Variants in RHEX observed in about 807,000 individuals in gnomAD.
RHEX encodes the protein regulator of hemoglobinization and erythroid cell expansion protein.
A neutral mutation model predicts 20.1 loss-of-function variants in RHEX; 18 were observed. That is an observed-to-expected ratio of 0.90 (90% CI 0.62 to 1.33). The LOEUF is 1.33. Ranked by LOEUF, RHEX falls within the 40% of genes most tolerant of loss-of-function variation. The pLI, the probability that RHEX is intolerant of heterozygous loss-of-function variation, is 0.00. For missense variants in RHEX, 192 were observed against 214.3 expected (o/e 0.90, Z 0.65); for synonymous variants, 87 against 77.1 (o/e 1.13, Z -0.67).
intron 1 of RHEX, 166 bp from the exon 2 acceptor site, chr1:206,097,567 T>C: frequency 1.8e-6 from 1 of 557,312 alleles, no homozygotes; most frequent in South Asian, 2.1e-5. Context: ...ATCAAGGTTC[T>C]TTAGGAGAAG....
At chr1:206,060,932 G>A (rs1553283269) in intron 1 of RHEX, 1 of 152,130 alleles carries the variant, frequency 6.6e-6, no homozygotes. Context: ...TTGTCGGGGA[G>A]GGGAGCGGGT....
At chr1:206,062,637 TA>T (rs1221543842) in intron 1 of RHEX, among the ~76,000 whole-genome samples, 18 of 151,358 alleles carry the variant, frequency 1.2e-4, no homozygotes, top group East Asian at 5.8e-4. Flanking sequence ...GGAGGAGGCA[TA>T]GGGGGGCTGC....
At chr1:206,084,055 G>C (rs781974624) in intron 1 of RHEX, among the ~76,000 whole-genome samples, 2 of 152,146 alleles carry the variant, frequency 1.3e-5, no homozygotes, top group African/African-American at 2.4e-5. Context: ...GCCAGTACAG[G>C]CTCCACCAAT....
chr1:206,091,993 G>C (rs575687850), intron 1 of RHEX, among the ~76,000 whole-genome samples: 5 of 152,194 alleles, frequency 3.3e-5, no homozygotes, highest in Non-Finnish European at 7.4e-5. Context: ...TATTGAGGAG[G>C]TAAGTCTGAT....
At chr1:206,092,913 C>T (rs2102326436) in intron 1 of RHEX, among the ~76,000 whole-genome samples, 1 of 152,284 alleles carries the variant, frequency 6.6e-6, no homozygotes, top group South Asian at 2.1e-4. Flanking sequence ...TCCAGCTTTG[C>T]TTTCTTTTCG....
intron 1 of RHEX, among the ~76,000 whole-genome samples, chr1:206,063,376 C>CTCTCCCTCTCCCTCTCCCCATGG (rs1443230729): frequency 6.6e-6 from 1 of 151,932 alleles, no homozygotes; most frequent in Non-Finnish European, 1.5e-5. Context: ...CTGCCTCTCC[C>CTCTCCCTCTCCCTCTCCCCATGG]TCTCCCTCTC....
intron 1 of RHEX, among the ~76,000 whole-genome samples, chr1:206,079,225 C>T (rs1662692533): frequency 6.6e-6 from 1 of 151,930 alleles, no homozygotes; most frequent in African/African-American, 2.4e-5. Context: ...CATTTAAAAA[C>T]CAGTGGAGAT....
chr1:206,064,832 A>T (rs1445795385), intron 1 of RHEX, among the ~76,000 whole-genome samples: 9 of 152,072 alleles, frequency 5.9e-5, no homozygotes, highest in African/African-American at 2.2e-4. Flanking sequence ...TGTGGAATAG[A>T]GAGTGGGGAA....
At chr1:206,058,641 T>C (rs1362999616) in intron 1 of RHEX, among the ~76,000 whole-genome samples, 2 of 152,212 alleles carry the variant, frequency 1.3e-5, no homozygotes, top group Non-Finnish European at 2.9e-5. Context: ...AGACATTGTA[T>C]AGAAGAACAT....
intron 1 of RHEX, among the ~76,000 whole-genome samples, chr1:206,057,292 T>G (rs1372019104): frequency 6.6e-6 from 1 of 152,268 alleles, no homozygotes; most frequent in Admixed American, 6.5e-5. Flanking sequence ...GAGAATTGGT[T>G]CCTATAGACC....
chr1:206,059,734 C>T lies in RHEX; in HGVS notation c.-97+6469C>T, dbSNP rs150323982. On this transcript the variant is annotated intron_variant, in intron 1 of 5. Transcript: ENST00000331555. ...CTATACAATGGGAGGGTTTAAGATT[C>T]CTTTTAGCTCTGAGAATCTATGGAC... Among the ~76,000 whole-genome samples the T allele has an allele frequency of 1.4e-4, 21 of 152,258 alleles. No individual in the cohort carries two copies. In the East Asian group the frequency reaches 4.1e-3, roughly 29 times the overall value.
rs1663024344 is a variant in RHEX at position 206,094,344 on chromosome 1, G to A, written c.-96-3389G>A. 3.3e-5 allele frequency among the ~76,000 whole-genome samples: 5 copies of A among 152,136 alleles called. No individual in the cohort carries two copies. The South Asian group carries it at 1.0e-3, about 32-fold the overall frequency. ...CATCTGTCATAATTTTCATACCTTG[G>A]ATCTTATCTCCAAACTGTACTCAAA... On this transcript the variant is annotated intron_variant, in intron 1 of 5. Transcript: ENST00000331555.
At chr1:206,057,789 A>T (rs1278902447) in intron 1 of RHEX, among the ~76,000 whole-genome samples, 14 of 152,274 alleles carry the variant, frequency 9.2e-5, no homozygotes, top group Non-Finnish European at 1.9e-4. Context: ...CCCCTGAAAA[A>T]ATCTTACAAT....
intron 1 of RHEX, among the ~76,000 whole-genome samples, chr1:206,076,069 C>T (rs191270221): frequency 2.0e-5 from 3 of 151,998 alleles, no homozygotes; most frequent in East Asian, 1.9e-4. Context: ...GTACTTGCTG[C>T]GAGAAGCAAA....
At chr1:206,059,106 T>C (rs1479025075) in intron 1 of RHEX, among the ~76,000 whole-genome samples, 8 of 152,114 alleles carry the variant, frequency 5.3e-5, no homozygotes, top group Non-Finnish European at 1.0e-4. Flanking sequence ...CCAAGTTCCC[T>C]TCTCATTGCT....
chr1:206,084,938 A>G (rs1330444070), intron 1 of RHEX, among the ~76,000 whole-genome samples: 1 of 152,116 alleles, frequency 6.6e-6, no homozygotes, highest in African/African-American at 2.4e-5. Context: ...GGTCTCATGT[A>G]GCCCTCCTAA....
intron 1 of RHEX, among the ~76,000 whole-genome samples, chr1:206,076,962 C>T (rs558002556): frequency 1.3e-5 from 2 of 152,328 alleles, no homozygotes; most frequent in Admixed American, 6.5e-5. Flanking sequence ...CTCTGCATCC[C>T]CACCAGCTGG....
intron 1 of RHEX, among the ~76,000 whole-genome samples, chr1:206,083,262 T>C (rs2102320459): frequency 6.6e-6 from 1 of 152,360 alleles, no homozygotes; most frequent in South Asian, 2.1e-4. Flanking sequence ...GGACTTGATC[T>C]TAGGCCTCTT....
chr1:206,060,911 A>G (rs1049998253), intron 1 of RHEX: 1 of 152,002 alleles, frequency 6.6e-6, no homozygotes, highest in African/African-American at 2.4e-5. Flanking sequence ...TGTTTTTCCT[A>G]TGGGGCAGTC....
Sources: allele counts gnomAD v4.1 joint callset (sites outside exome capture counted in the v4.1 genomes callset), GRCh38; gene constraint gnomAD v4.1.1; transcripts MANE v1.5; gene names NCBI Gene and HGNC (gene_info 2026-07-23, HGNC 2026-07-21).